Variants in GLT1D1 observed in about 807,000 individuals in gnomAD.
GLT1D1 encodes the protein glycosyltransferase 1 domain-containing protein 1.
In GLT1D1, 21 loss-of-function variants were observed where a neutral mutation model predicts 28.7. The observed-to-expected ratio is 0.73, with a 90% CI of 0.52 to 1.05. The LOEUF is 1.05. Ranked by LOEUF, GLT1D1 falls within the 50% of genes least tolerant of loss-of-function variation. GLT1D1 has a pLI of 0.00. For synonymous variants in GLT1D1, 147 were observed against 124.8 expected, an observed-to-expected ratio of 1.18 and a Z score of -1.19; for missense variants, 343 against 330.6, an observed-to-expected ratio of 1.04 and a Z score of -0.29.
At chr12:128,970,008 GTGTCAGCCC>G (rs1054641310) in intron 7 of GLT1D1, among the ~76,000 whole-genome samples, 4 of 152,188 alleles carry the variant, frequency 2.6e-5, no homozygotes, top group Admixed American at 2.6e-4. Flanking sequence ...CTGGTGATCT[GTGTCAGCCC>G]TGACAAATGC....
At chr12:128,876,568 A>AG (rs1956876463) in intron 2 of GLT1D1, among the ~76,000 whole-genome samples, 1 of 152,038 alleles carries the variant, frequency 6.6e-6, no homozygotes, top group African/African-American at 2.4e-5. Context: ...CATCCTCCTC[A>AG]GCCTCCCAAA....
chr12:128,945,331 T>C lies in GLT1D1; in HGVS notation c.381T>C (p.Asp127=), dbSNP rs150308011. 8 of 1,613,986 alleles carry C rather than the reference T, an allele frequency of 5.0e-6. No individual in the cohort carries two copies. The African/African-American group carries it at 9.3e-5, about 19-fold the overall frequency. The change falls in exon 5 of 8, where the codon GAT becomes GAC. Residue 127 remains aspartate (D), a synonymous_variant. Coordinates refer to ENST00000281703, the MANE Select transcript of GLT1D1 (RefSeq NM_144669.3). ...TTATCTTTGTCTCTTTTCAGGTCGA[T>C]CCAGTGTTTACAAGGGAAGTGAAAG...
chr12:128,944,700 G>A (rs758789729), intron 4 of GLT1D1: 93 of 666,026 alleles, frequency 1.4e-4, no homozygotes, highest in Non-Finnish European at 2.4e-4. Context: ...GCTAGACTGG[G>A]TGAGATTTTG....
At chr12:128,923,553 AC>A (rs1441594691) in intron 4 of GLT1D1, among the ~76,000 whole-genome samples, 12 of 148,590 alleles carry the variant, frequency 8.1e-5, no homozygotes, top group African/African-American at 2.5e-4. Flanking sequence ...ATGGAGTCTC[AC>A]TCTGTTACCC....
chr12:128,937,596 CAGAT>C (rs747908156), intron 4 of GLT1D1, among the ~76,000 whole-genome samples: 2 of 152,110 alleles, frequency 1.3e-5, no homozygotes, highest in Non-Finnish European at 2.9e-5. Context: ...TGCAGGGACA[CAGAT>C]AGACACTGAT....
chr12:128,932,870 G>A (rs1208843236), intron 4 of GLT1D1, among the ~76,000 whole-genome samples: 1 of 152,126 alleles, frequency 6.6e-6, no homozygotes, highest in Non-Finnish European at 1.5e-5. Flanking sequence ...AAAAGCAATA[G>A]CCACCGCCAC....
chr12:128,895,715 T>C (rs1019487881), intron 3 of GLT1D1, among the ~76,000 whole-genome samples: 2 of 152,036 alleles, frequency 1.3e-5, no homozygotes, highest in African/African-American at 4.8e-5. Flanking sequence ...CCCCTCGGCC[T>C]CCCAAAGTGC....
chr12:128,875,961 T>G lies in GLT1D1; in HGVS notation c.116T>G (p.Phe39Cys). 6.2e-7 allele frequency: 1 copy of G among 1,614,092 alleles called. No individual in the cohort carries two copies. Among genetic ancestry groups the G allele is most frequent in the Non-Finnish European group, 8.5e-7 (1 of 1,179,976 alleles). ...CACGTGTGCGTTTTGAAGGATGCCT[T>G]TGACTTTGAAAGCCGATCTGAGATT... The change falls in exon 2 of 8, where the codon TTT becomes TGT. Residue 39 changes from phenylalanine to cysteine, a missense_variant. Coordinates refer to ENST00000281703, the MANE Select transcript of GLT1D1 (RefSeq NM_144669.3).
chr12:128,956,473 C>T (rs1446916727), intron 6 of GLT1D1, among the ~76,000 whole-genome samples: 2 of 152,104 alleles, frequency 1.3e-5, no homozygotes, highest in East Asian at 3.9e-4. Flanking sequence ...GTCAAAAAAT[C>T]CTAAGTCGAA....
intron 7 of GLT1D1, among the ~76,000 whole-genome samples, chr12:128,969,207 GTC>G (rs1034356601): frequency 4.0e-5 from 6 of 149,898 alleles, no homozygotes; most frequent in Non-Finnish European, 7.4e-5. Context: ...CTTCCTCTCA[GTC>G]TCTGTTTCTC....
intron 2 of GLT1D1, among the ~76,000 whole-genome samples, chr12:128,887,494 TAC>T (rs58713965): frequency 0.38 from 55,552 of 145,312 alleles, 10,480 homozygotes; most frequent in South Asian, 0.53. Context: ...TCTATGTGAG[TAC>T]ACACACACAC....
intron 7 of GLT1D1, among the ~76,000 whole-genome samples, chr12:128,970,779 T>C (rs1878960644): frequency 6.6e-6 from 1 of 152,214 alleles, no homozygotes; most frequent in Non-Finnish European, 1.5e-5. Flanking sequence ...CCATTTGGGT[T>C]TCCTCTGTCC....
chr12:128,966,022 G>A (rs767393249), intron 7 of GLT1D1, among the ~76,000 whole-genome samples: 8 of 152,368 alleles, frequency 5.3e-5, no homozygotes, highest in Non-Finnish European at 7.3e-5. Context: ...TCCAAAAAGA[G>A]GACTGTTTCA....
chr12:128,957,886 G>A (rs1445774607), intron 7 of GLT1D1, among the ~76,000 whole-genome samples: 1 of 152,226 alleles, frequency 6.6e-6, no homozygotes, highest in Non-Finnish European at 1.5e-5. Flanking sequence ...AAGGGGCTGG[G>A]AAAGATAATC....
In GLT1D1 at chr12:128,874,130, CTTTCTT is replaced by C. The variant is rs1566091552; in HGVS notation, c.69-1782_69-1777del. On this transcript the variant is annotated intron_variant, in intron 1 of 7. Transcript: ENST00000281703. Reference sequence around the variant, plus strand: ...TCTCTCTCTCTCTCTCTCTCTCTTTCTTTCTTTCTTTCTTTCTTTCTTTCTTTCTTT... The same window carrying C: ...TCTCTCTCTCTCTCTCTCTCTCTTTCTCTTTCTTTCTTTCTTTCTTTCTTT... Among the ~76,000 whole-genome samples the C allele has an allele frequency of 1.2e-3, 68 of 55,704 alleles. 1 individual carries two copies. The highest frequency in any genetic ancestry group is 1.6e-3 in the Non-Finnish European group (48 of 29,426). 36.5% of individuals were successfully genotyped at this position (55,704 alleles called of 152,430 possible).
chr12:128,939,732 G>A (rs2135476317), intron 4 of GLT1D1, among the ~76,000 whole-genome samples: 1 of 152,164 alleles, frequency 6.6e-6, no homozygotes, highest in African/African-American at 2.4e-5. Context: ...GTCTGGGTCA[G>A]GAGGAAAAGC....
chr12:128,910,561 C>G (rs925167399), intron 4 of GLT1D1, among the ~76,000 whole-genome samples: 3 of 152,080 alleles, frequency 2.0e-5, no homozygotes, highest in African/African-American at 7.2e-5. Flanking sequence ...GGAAGAAACA[C>G]TCCAAGCCTC....
chr12:128,922,738 C>T (rs371154996), intron 4 of GLT1D1, among the ~76,000 whole-genome samples: 3 of 152,052 alleles, frequency 2.0e-5, no homozygotes, highest in East Asian at 1.9e-4. Context: ...GCCTGGCCAA[C>T]ATGGTGAAAC....
chr12:128,895,489 C>T (rs1380037526), intron 3 of GLT1D1, among the ~76,000 whole-genome samples: 2 of 150,168 alleles, frequency 1.3e-5, no homozygotes, highest in Admixed American at 6.7e-5. Flanking sequence ...CAGAGTCTCG[C>T]TCTGTCACCC....
Sources: gnomAD v4.1 joint callset for allele counts (sites outside exome capture counted in the v4.1 genomes callset) on GRCh38, gnomAD v4.1.1 for gene constraint, MANE v1.5 for transcripts, NCBI Gene and HGNC (gene_info 2026-07-23, HGNC 2026-07-21) for gene names.